Variants in SGCZ observed in about 807,000 individuals in gnomAD.
SGCZ encodes sarcoglycan zeta, also known as zeta-sarcoglycan.
In SGCZ, 40 loss-of-function variants were observed where a neutral mutation model predicts 41.3. The observed-to-expected ratio is 0.97, with a 90% confidence interval of 0.75 to 1.26. The LOEUF (loss-of-function observed/expected upper bound fraction) is 1.26, where lower values mean the gene tolerates loss of function less well. SGCZ is among the 50% of genes most tolerant of loss of function. The pLI is 0.00. For synonymous variants in SGCZ, 206 were observed against 137.5 expected, an observed-to-expected ratio of 1.50 and a Z score of -3.49; for missense variants, 552 against 369.8, an observed-to-expected ratio of 1.49 and a Z score of -4.04.
At chr8:14,126,493 T>C (rs915620168) in intron 5 of SGCZ, among the ~76,000 whole-genome samples, 3 of 102,084 alleles carry the variant, frequency 2.9e-5, no homozygotes, top group Non-Finnish European at 6.5e-5. Context: ...CAAAACAAGA[T>C]GCTAGAGCAG....
chr8:14,527,510 G>T (rs1802989992), intron 2 of SGCZ, among the ~76,000 whole-genome samples: 1 of 151,888 alleles, frequency 6.6e-6, no homozygotes, highest in Admixed American at 6.6e-5. Flanking sequence ...TCACTATTTT[G>T]CCCAGGGTGA....
intron 5 of SGCZ, among the ~76,000 whole-genome samples, chr8:14,132,764 C>T (rs1803080792): frequency 1.3e-5 from 2 of 152,200 alleles, no homozygotes; most frequent in African/African-American, 4.8e-5. Flanking sequence ...CTGTTGCAAA[C>T]TGGGCATTTG....
intron 2 of SGCZ, among the ~76,000 whole-genome samples, chr8:14,336,215 T>C (rs2081666): frequency 0.44 from 66,962 of 151,986 alleles, 15,358 homozygotes; most frequent in South Asian, 0.72. Flanking sequence ...TGGCCTCTAG[T>C]TCCATCCATG....
chr8:14,152,304 A>G (rs914712210), intron 5 of SGCZ, among the ~76,000 whole-genome samples: 2 of 152,208 alleles, frequency 1.3e-5, no homozygotes, highest in Non-Finnish European at 2.9e-5. Context: ...TAAACTGAAT[A>G]TATGGCTGGC....
At chr8:15,034,081 AG>A (rs61296318) in intron 1 of SGCZ, among the ~76,000 whole-genome samples, 18,930 of 152,168 alleles carry the variant, frequency 0.12, 1,595 homozygotes, top group African/African-American at 0.24. Context: ...ATAGCACAAA[AG>A]AAAACCCACA....
intron 1 of SGCZ, among the ~76,000 whole-genome samples, chr8:14,857,450 G>A (rs1803581426): frequency 6.6e-6 from 1 of 152,060 alleles, no homozygotes; most frequent in Non-Finnish European, 1.5e-5. Context: ...AGCTTACATT[G>A]CTTTCACACT....
At chr8:14,499,238 T>G (rs1802078429) in intron 2 of SGCZ, among the ~76,000 whole-genome samples, 1 of 152,076 alleles carries the variant, frequency 6.6e-6, no homozygotes, top group Non-Finnish European at 1.5e-5. Context: ...AAGTTCTACT[T>G]CATATTTGTG....
Position 14,355,798 on chromosome 8 carries a change from T to C in SGCZ, c.235-31594A>G, listed in dbSNP as rs568716715. On this transcript the variant is annotated intron_variant, in intron 2 of 7. Coordinates refer to ENST00000382080, the MANE Select transcript of SGCZ (RefSeq NM_139167.4). ...GGGATTATCCAAGGAAATAGGCATA[T>C]TAAATACAAGAATAAAAAAACAGCA... Among the ~76,000 whole-genome samples the C allele has an allele frequency of 2.0e-5, 3 of 152,136 alleles. No individual in the cohort carries two copies. In the South Asian group the frequency reaches 6.2e-4, roughly 32 times the overall value.
At chr8:14,727,733 C>T (rs1810104549) in intron 1 of SGCZ, among the ~76,000 whole-genome samples, 1 of 151,978 alleles carries the variant, frequency 6.6e-6, no homozygotes. Flanking sequence ...AGGATGGTCT[C>T]GATCTCCTGA....
At chr8:15,227,286 A>G (rs561647021) in intron 1 of SGCZ, among the ~76,000 whole-genome samples, 2 of 152,222 alleles carry the variant, frequency 1.3e-5, no homozygotes, top group African/African-American at 2.4e-5. Context: ...TTCTCGTGGC[A>G]TACACAAACG....
intron 3 of SGCZ, among the ~76,000 whole-genome samples, chr8:14,288,795 G>A (rs1273392009): frequency 6.6e-6 from 1 of 152,130 alleles, no homozygotes; most frequent in African/African-American, 2.4e-5. Context: ...TGGCTGTAAA[G>A]TTAGGAGTAG....
At chr8:14,948,108 C>A (rs1221993910) in intron 1 of SGCZ, among the ~76,000 whole-genome samples, 1 of 152,138 alleles carries the variant, frequency 6.6e-6, no homozygotes, top group African/African-American at 2.4e-5. Flanking sequence ...GAGACTGGTA[C>A]TATTCTTTTC....
At chr8:14,872,845 C>G (rs1206635391) in intron 1 of SGCZ, among the ~76,000 whole-genome samples, 1 of 152,082 alleles carries the variant, frequency 6.6e-6, no homozygotes, top group African/African-American at 2.4e-5. Flanking sequence ...ACTGACTTAA[C>G]CATAGTAGAT....
At chr8:14,123,343 A>AACAT (rs58466474) in intron 5 of SGCZ, among the ~76,000 whole-genome samples, 6,426 of 152,272 alleles carry the variant, frequency 0.042, 418 homozygotes, top group African/African-American at 0.15. Context: ...CATGCAATGA[A>AACAT]ACATAAATTA....
intron 1 of SGCZ, among the ~76,000 whole-genome samples, chr8:15,237,182 G>T (rs1444750830): frequency 1.3e-5 from 2 of 152,182 alleles, no homozygotes; most frequent in African/African-American, 2.4e-5. Context: ...GGAAGAGGAG[G>T]CAAAGTGGCG....
intron 1 of SGCZ, among the ~76,000 whole-genome samples, chr8:14,999,286 G>A (rs1563423829): frequency 6.6e-6 from 1 of 152,144 alleles, no homozygotes; most frequent in South Asian, 2.1e-4. Context: ...TAAGCTAGCA[G>A]TTTTATTACA....
chr8:14,802,909 C>T (rs1801372808), intron 1 of SGCZ, among the ~76,000 whole-genome samples: 1 of 152,162 alleles, frequency 6.6e-6, no homozygotes, highest in African/African-American at 2.4e-5. Flanking sequence ...TGTCTGCAAG[C>T]ATTCAGCTAA....
chr8:14,258,799 C>T (rs571718773), intron 3 of SGCZ, among the ~76,000 whole-genome samples: 17 of 152,166 alleles, frequency 1.1e-4, no homozygotes, highest in Non-Finnish European at 1.9e-4. Flanking sequence ...GTGAGGATTA[C>T]ACGCAGCACA....
At chr8:14,694,436 C>T (rs776181988) in intron 1 of SGCZ, among the ~76,000 whole-genome samples, 2 of 152,142 alleles carry the variant, frequency 1.3e-5, no homozygotes, top group Non-Finnish European at 2.9e-5. Context: ...TGACTTTAGT[C>T]TGTGTTTATT....
Sources: gnomAD v4.1 joint callset for allele counts (sites outside exome capture counted in the v4.1 genomes callset) on GRCh38, gnomAD v4.1.1 for gene constraint, MANE v1.5 for transcripts, NCBI Gene and HGNC (gene_info 2026-07-23, HGNC 2026-07-21) for gene names.